The following ALX4 variants were observed in gnomAD, a reference collection of about 807,000 sequenced individuals.
ALX4 encodes the protein ALX homeobox 4, also known as homeobox protein aristaless-like 4.
ALX4 carries 22 observed loss-of-function variants against 40.6 expected under a neutral mutation model. The ratio of observed to expected loss-of-function variants is 0.54; its 90% CI spans 0.39 to 0.77. The LOEUF is 0.77. Ranked by LOEUF, ALX4 falls within the 30% of genes least tolerant of loss-of-function variation. ALX4 has a pLI of 0.00. For synonymous variants in ALX4, 266 were observed against 240.5 expected (o/e 1.11, Z -0.98); for missense variants, 556 against 564.8 (o/e 0.98, Z 0.16).
intron 1 of ALX4, among the ~76,000 whole-genome samples, chr11:44,279,012 G>C (rs533625078): frequency 2.6e-5 from 4 of 152,300 alleles, no homozygotes; most frequent in African/African-American, 9.6e-5. Context: ...AAGTTCTGCA[G>C]CTCCACTCAA....
At chr11:44,296,746 C>T (rs1472489723) in intron 1 of ALX4, among the ~76,000 whole-genome samples, 1 of 152,042 alleles carries the variant, frequency 6.6e-6, no homozygotes, top group Non-Finnish European at 1.5e-5. Flanking sequence ...CGGTGGCTCA[C>T]ACCTGTAATC....
rs558540286 is a variant in ALX4 at position 44,272,482 on chromosome 11, C to T, written c.777+2866G>A. ...TTGCACCACTGCACTCCAGCCTGGG[C>T]GACAGAACAAGACTCTGTCTAAAAA... On this transcript the variant is annotated intron_variant, in intron 2 of 3. Coordinates refer to ENST00000652299, the MANE Select transcript of ALX4 (RefSeq NM_021926.4). Among the ~76,000 whole-genome samples, 305 of 138,500 alleles carry T rather than the reference C, an allele frequency of 2.2e-3. 2 individuals are homozygous for T. The highest frequency in any genetic ancestry group is 7.8e-3 in the African/African-American group (285 of 36,366). The allele number at this position is 138,500 out of a possible 152,430, so 90.9% of individuals were successfully genotyped here.
chr11:44,279,896 AG>A, intron 1 of ALX4, among the ~76,000 whole-genome samples: 2 of 152,266 alleles, frequency 1.3e-5, no homozygotes, highest in Non-Finnish European at 2.9e-5. Context: ...GTCAGGTGGC[AG>A]AGATGCAGTA....
At chr11:44,298,580 G>A (rs377286723) in intron 1 of ALX4, among the ~76,000 whole-genome samples, 1 of 152,164 alleles carries the variant, frequency 6.6e-6, no homozygotes, top group Non-Finnish European at 1.5e-5. Flanking sequence ...GAGGAGGAGA[G>A]TTGGGGATGA....
At position 44,262,172 on chromosome 11, in the gene ALX4, G is replaced by A. The variant is rs897005; in HGVS notation, c.*2682C>T. On this transcript the variant is annotated 3_prime_UTR_variant, in exon 4 of 4. Transcript: ENST00000652299. ...CTCTCTCAGCCTAGTCTCAGGGCAA[G>A]TACAGGTCAGGGCAGTCATGTCTCC... The A allele has an allele frequency of 0.7, 106,284 of 152,414 alleles. 37,339 individuals carry two copies. The highest frequency in any genetic ancestry group is 0.78 in the Admixed American group (11,989 of 15,300). 9.4% of individuals were successfully genotyped at this position (152,414 alleles called of 1,614,324 possible). A position where few individuals can be genotyped will look rare whatever the true frequency, so the allele number is the denominator to read the frequency against.
chr11:44,272,660 T>A (rs896114366), intron 2 of ALX4, among the ~76,000 whole-genome samples: 1 of 151,182 alleles, frequency 6.6e-6, no homozygotes, highest in Non-Finnish European at 1.5e-5. Context: ...ATAAAAAAAA[T>A]TAGCTGGGTG....
At chr11:44,303,799 A>T (rs1208883207) in intron 1 of ALX4, among the ~76,000 whole-genome samples, 1 of 152,178 alleles carries the variant, frequency 6.6e-6, no homozygotes, top group African/African-American at 2.4e-5. Context: ...CCGCATCACC[A>T]AATTTTTGTC....
chr11:44,264,539 T>G lies in ALX4; in HGVS notation c.*315A>C. The G allele has an allele frequency of 4.5e-6, 2 of 447,812 alleles. No homozygotes were observed. Among genetic ancestry groups the G allele is most frequent in the Non-Finnish European group, 8.2e-6 (2 of 244,804 alleles). The allele number at this position is 447,812 out of a possible 1,614,324, so 27.7% of individuals were successfully genotyped here. Reference sequence around the variant, plus strand: ...TGGTCAACTAGGCAGAGCAGAGGAGTGGGCGGGAGCAAGAAAGCGCTTTCA... The same window carrying G: ...TGGTCAACTAGGCAGAGCAGAGGAGGGGGCGGGAGCAAGAAAGCGCTTTCA... On this transcript the variant is annotated 3_prime_UTR_variant, in exon 4 of 4. Coordinates refer to ENST00000652299, the MANE Select transcript of ALX4 (RefSeq NM_021926.4).
intron 1 of ALX4, among the ~76,000 whole-genome samples, chr11:44,294,263 G>A (rs1956390218): frequency 6.6e-6 from 1 of 152,220 alleles, no homozygotes; most frequent in Non-Finnish European, 1.5e-5. Context: ...ATGCCCACCA[G>A]GTGCTTTCTT....
intron 3 of ALX4, among the ~76,000 whole-genome samples, chr11:44,267,257 T>C (rs150647757): frequency 2.4e-3 from 359 of 152,280 alleles, no homozygotes; most frequent in African/African-American, 8.3e-3. Flanking sequence ...AGAGCCGTTC[T>C]CACTGCCCCA....
intron 2 of ALX4, among the ~76,000 whole-genome samples, chr11:44,269,784 T>G (rs559809854): frequency 3.3e-5 from 5 of 152,346 alleles, no homozygotes; most frequent in Admixed American, 2.0e-4. Flanking sequence ...GATGGGAGAC[T>G]GGGGCCAGGA....
chr11:44,285,825 A>G (rs1054525268), intron 1 of ALX4, among the ~76,000 whole-genome samples: 1 of 152,054 alleles, frequency 6.6e-6, no homozygotes, highest in African/African-American at 2.4e-5. Flanking sequence ...TAAACACTGA[A>G]TCCCCTGCTT....
intron 1 of ALX4, among the ~76,000 whole-genome samples, chr11:44,280,612 C>T (rs1014278538): frequency 6.6e-6 from 1 of 152,180 alleles, no homozygotes; most frequent in Non-Finnish European, 1.5e-5. Context: ...AATGTAGTCC[C>T]AATCTGCAGC....
At chr11:44,304,918 G>A (rs1057214926) in intron 1 of ALX4, among the ~76,000 whole-genome samples, 1 of 152,184 alleles carries the variant, frequency 6.6e-6, no homozygotes, top group Admixed American at 6.5e-5. Flanking sequence ...CGGTCGCGGC[G>A]AGGTTCCTGG....
At chr11:44,302,338 A>T (rs572382530) in intron 1 of ALX4, among the ~76,000 whole-genome samples, 2 of 152,284 alleles carry the variant, frequency 1.3e-5, no homozygotes, top group Admixed American at 1.3e-4. Flanking sequence ...TGGGCACGGC[A>T]CACACCGCTC....
At chr11:44,291,450 C>A (rs540778829) in intron 1 of ALX4, among the ~76,000 whole-genome samples, 9 of 151,522 alleles carry the variant, frequency 5.9e-5, no homozygotes, top group African/African-American at 2.2e-4. Flanking sequence ...GCTCTGCTGC[C>A]CAGGCTGAAG....
intron 1 of ALX4, among the ~76,000 whole-genome samples, chr11:44,297,673 G>A (rs752752517): frequency 1.4e-4 from 21 of 151,972 alleles, no homozygotes; most frequent in African/African-American, 2.2e-4. Context: ...CTGAGATTGC[G>A]CCACTGCACT....
intron 3 of ALX4, 97 bp from the exon 4 acceptor site, chr11:44,265,280 A>G (rs895187864): frequency 1.7e-6 from 2 of 1,162,204 alleles, no homozygotes; most frequent in Non-Finnish European, 2.4e-6. Flanking sequence ...CTCACTGTCC[A>G]TCCTTCCCAT....
At chr11:44,308,704 T>C (rs1384134875) in intron 1 of ALX4, among the ~76,000 whole-genome samples, 1 of 152,220 alleles carries the variant, frequency 6.6e-6, no homozygotes, top group Admixed American at 6.5e-5. Context: ...TCAAGGCAGC[T>C]TGGAGGTCAT....
Sources: allele counts gnomAD v4.1 joint callset (sites outside exome capture counted in the v4.1 genomes callset), GRCh38; gene constraint gnomAD v4.1.1; transcripts MANE v1.5; gene names NCBI Gene and HGNC (gene_info 2026-07-23, HGNC 2026-07-21).